The following DHRS9 variants were observed in gnomAD, a reference collection of about 807,000 sequenced individuals.
DHRS9 encodes dehydrogenase/reductase 9.
DHRS9 carries 18 observed loss-of-function variants against 26.6 expected under a neutral mutation model. The ratio of observed to expected loss-of-function variants is 0.68; its 90% CI spans 0.47 to 1.00. The LOEUF (loss-of-function observed/expected upper bound fraction) is 1.00. Ranked by LOEUF, DHRS9 falls within the 50% of genes least tolerant of loss-of-function variation. The pLI is 0.00. For synonymous variants in DHRS9, 134 were observed against 141.1 expected (o/e 0.95, Z 0.36); for missense variants, 425 against 378.7 (o/e 1.12, Z -1.01).
At chr2:169,074,253 A>C in intron 1 of DHRS9, 2 of 984,920 alleles carry the variant, frequency 2.0e-6, no homozygotes, top group Non-Finnish European at 2.4e-6. Context: ...TCTACTTTAC[A>C]GGTAGGAAAA....
intron 1 of DHRS9, among the ~76,000 whole-genome samples, chr2:169,072,953 C>T (rs1186242417): frequency 7.2e-5 from 11 of 152,168 alleles, no homozygotes; most frequent in Admixed American, 5.9e-4. Flanking sequence ...ATAAACACTT[C>T]CCAAAACTTT....
chr2:169,081,382 A>G, intron 1 of DHRS9, 141 bp from the exon 2 acceptor site: 7 of 1,172,610 alleles, frequency 6.0e-6, no homozygotes, highest in Non-Finnish European at 6.7e-6. Flanking sequence ...CTTCCCAACA[A>G]ACAACCAAAT....
intron 3 of DHRS9, among the ~76,000 whole-genome samples, chr2:169,090,982 C>T (rs1056270262): frequency 1.3e-5 from 2 of 152,098 alleles, no homozygotes; most frequent in Non-Finnish European, 2.9e-5. Flanking sequence ...CCATTGTGGG[C>T]CAATGTAAGT....
Position 169,081,650 on chromosome 2 carries a change from G to A in DHRS9, c.69G>A (p.Lys23=). The A allele has an allele frequency of 1.2e-6, 2 of 1,614,170 alleles. No homozygotes were observed. Among genetic ancestry groups the A allele is most frequent in the African/African-American group, 2.7e-5 (2 of 75,046 alleles). ...GFLWTRKGKL[K]IEDITDKYIF... is the part of the protein sequence containing the mutation. The stretch of plus-strand genomic sequence containing the variant: ...TGTGGACTCGTAAAGGAAAACTAAA[G>A]ATTGAAGACATCACTGATAAGTACA... Residue 23 remains lysine, a synonymous_variant, in exon 2 of 5, where the codon AAG becomes AAA. Coordinates refer to ENST00000674881, the MANE Select transcript of DHRS9 (RefSeq NM_001376924.1).
rs532822570 is a variant in DHRS9, at chr2:169,078,004, G to A, written c.-59-3519G>A. Among the ~76,000 whole-genome samples, 83 of 152,274 alleles carry A rather than the reference G, an allele frequency of 5.5e-4. 1 individual carries two copies. In the Middle Eastern group the frequency reaches 0.01, roughly 19 times the overall value. On this transcript the variant is annotated intron_variant, in intron 1 of 4. Coordinates refer to ENST00000674881, the MANE Select transcript of DHRS9 (RefSeq NM_001376924.1). Reference sequence around the variant, plus strand: ...AATCATGGACAAGATGTGAAGTGTCGACCTTATCAACTCAGCTTGTCAGCT... The same window carrying A: ...AATCATGGACAAGATGTGAAGTGTCAACCTTATCAACTCAGCTTGTCAGCT...
intron 2 of DHRS9, among the ~76,000 whole-genome samples, chr2:169,082,256 T>C (rs1684214761): frequency 6.6e-6 from 1 of 152,156 alleles, no homozygotes; most frequent in Non-Finnish European, 1.5e-5. Context: ...AATTCCCAAA[T>C]TGCCATCTGG....
intron 1 of DHRS9, chr2:169,072,442 A>T (rs937920582): frequency 2.1e-5 from 5 of 234,210 alleles, no homozygotes; most frequent in Non-Finnish European, 3.5e-5. Flanking sequence ...ATTGCTTATA[A>T]AAAGTATACC....
intron 3 of DHRS9, 85 bp downstream of exon 3, chr2:169,083,672 C>A: frequency 6.8e-7 from 1 of 1,468,764 alleles, no homozygotes; most frequent in East Asian, 2.4e-5. Flanking sequence ...TATTTAGTAC[C>A]TTTCAAAAAG....
chr2:169,069,259 C>A (rs1174091583), upstream of DHRS9, among the ~76,000 whole-genome samples: 1 of 152,046 alleles, frequency 6.6e-6, no homozygotes, highest in Non-Finnish European at 1.5e-5. Flanking sequence ...AGAATAATCA[C>A]AATTTGAAAA....
intron 1 of DHRS9, among the ~76,000 whole-genome samples, chr2:169,073,033 C>T (rs1028552170): frequency 3.9e-5 from 6 of 152,210 alleles, no homozygotes; most frequent in Admixed American, 6.5e-5. Flanking sequence ...TTTGCCCCAG[C>T]GATTCAGAGG....
chr2:169,070,159 A>G (rs1683756674), intron 1 of DHRS9: 1 of 985,412 alleles, frequency 1.0e-6, no homozygotes, highest in Non-Finnish European at 1.2e-6. Context: ...CCGCTTTATC[A>G]ATATTATCAG....
chr2:169,081,120 A>G (rs1471067591), intron 1 of DHRS9: 14 of 995,828 alleles, frequency 1.4e-5, no homozygotes, highest in Non-Finnish European at 1.7e-5. Flanking sequence ...TTTTAAGCCC[A>G]TTCTGCAGTG....
rs190537357 is a variant in DHRS9, at chr2:169,082,010, A to C, written c.313+116A>C. On this transcript the variant is annotated intron_variant, in intron 2 of 4. Coordinates refer to ENST00000674881, the MANE Select transcript of DHRS9 (RefSeq NM_001376924.1). The stretch of plus-strand genomic sequence containing the variant: ...CCTTTCGAGAAAATGTTTCCTAAAT[A>C]CCGGCTGTGTACTTCTCTAATCTTA... 4.5e-5 allele frequency: 48 copies of C among 1,055,584 alleles called. No homozygotes were observed. In the African/African-American group the frequency reaches 6.4e-4, roughly 14 times the overall value. 65.4% of individuals were successfully genotyped at this position (1,055,584 alleles called of 1,614,324 possible). A position where few individuals can be genotyped will look rare whatever the true frequency, so the allele number is the denominator to read the frequency against.
chr2:169,068,314 AGTTT>A (rs747113543), upstream of DHRS9, among the ~76,000 whole-genome samples: 2 of 152,170 alleles, frequency 1.3e-5, no homozygotes, highest in East Asian at 1.9e-4. Flanking sequence ...AGTAAATTTC[AGTTT>A]GTTTGTTTGT....
chr2:169,072,587 A>G (rs2105278769), intron 1 of DHRS9: 1 of 985,392 alleles, frequency 1.0e-6, no homozygotes, highest in East Asian at 1.1e-4. Flanking sequence ...AAACAAACTC[A>G]GGAAGAAAAA....
chr2:169,089,906 A>C (rs976220042), intron 3 of DHRS9, among the ~76,000 whole-genome samples: 3 of 152,138 alleles, frequency 2.0e-5, no homozygotes, highest in African/African-American at 4.8e-5. Context: ...GCAAGGTCAT[A>C]AAAAAACCTC....
Position 169,092,012 on chromosome 2 carries a change from G to A in DHRS9, c.736+59G>A, listed in dbSNP as rs1292819985. On this transcript the variant is annotated intron_variant, in intron 4 of 4. Coordinates refer to ENST00000674881, the MANE Select transcript of DHRS9 (RefSeq NM_001376924.1). ...ATTCTTTGTCCTGAACAGCATGAAG[G>A]AGATTCAAATACAGATGAAATAACA... is the stretch of plus-strand genomic sequence containing the variant. 1.9e-6 allele frequency: 3 copies of A among 1,557,662 alleles called. No homozygotes were observed. The African/African-American group carries it at 4.1e-5, about 21-fold the overall frequency.
chr2:169,078,657 C>G (rs959207497), intron 1 of DHRS9, among the ~76,000 whole-genome samples: 10 of 152,052 alleles, frequency 6.6e-5, no homozygotes, highest in African/African-American at 1.9e-4. Flanking sequence ...AATTATAACT[C>G]TTACACAGAA....
chr2:169,079,318 G>A (rs1558951134), intron 1 of DHRS9, among the ~76,000 whole-genome samples: 1 of 152,034 alleles, frequency 6.6e-6, no homozygotes, highest in East Asian at 1.9e-4. Context: ...GTGTGTGTGT[G>A]TCTGTGTGTG....
Sources: allele counts gnomAD v4.1 joint callset (sites outside exome capture counted in the v4.1 genomes callset), GRCh38; gene constraint gnomAD v4.1.1; transcripts MANE v1.5; gene names NCBI Gene and HGNC (gene_info 2026-07-23, HGNC 2026-07-21).